The following FOXP2 variants were observed in gnomAD, a reference collection of about 807,000 sequenced individuals.
The protein encoded by FOXP2 is forkhead box protein P2.
A neutral mutation model predicts 115.8 loss-of-function variants in FOXP2; 12 were observed. The observed-to-expected ratio is 0.10, with a 90% CI of 0.07 to 0.17. The LOEUF (loss-of-function observed/expected upper bound fraction) is 0.17. Among genes scored for constraint, FOXP2 ranks in the 10% least tolerant of loss-of-function variants. FOXP2 has a pLI of 1.00. For synonymous variants in FOXP2, 328 were observed against 297.7 expected, an observed-to-expected ratio of 1.10 and a Z score of -1.05; for missense variants, 629 against 843.5, an observed-to-expected ratio of 0.75 and a Z score of 3.15.
At chr7:114,456,927 GA>G (rs75649952) in intron 2 of FOXP2, among the ~76,000 whole-genome samples, 9,547 of 143,788 alleles carry the variant, frequency 0.066, 821 homozygotes, top group East Asian at 0.33. Context: ...GCCAAACAGA[GA>G]AAAAAAAAAT....
At chr7:114,683,428 C>T (rs1282956099) in intron 16 of FOXP2, among the ~76,000 whole-genome samples, 1 of 152,156 alleles carries the variant, frequency 6.6e-6, no homozygotes, top group Non-Finnish European at 1.5e-5. Context: ...TTTGTCTTTG[C>T]TGTGCCTGTA....
chr7:114,686,922 G>A (rs1808395618), intron 16 of FOXP2, among the ~76,000 whole-genome samples: 2 of 152,042 alleles, frequency 1.3e-5, no homozygotes, highest in South Asian at 2.1e-4. Context: ...CATTGCAGTT[G>A]AACTTTCTAG....
At chr7:114,347,734 TG>T (rs1791381570) in intron 2 of FOXP2, among the ~76,000 whole-genome samples, 1 of 152,030 alleles carries the variant, frequency 6.6e-6, no homozygotes, top group Non-Finnish European at 1.5e-5. Context: ...GGCAGAGGTA[TG>T]TGAGTAATGC....
intron 2 of FOXP2, among the ~76,000 whole-genome samples, chr7:114,373,490 CTCTT>C (rs1299451511): frequency 6.6e-6 from 1 of 152,216 alleles, no homozygotes; most frequent in Non-Finnish European, 1.5e-5. Context: ...AAAGGGAATG[CTCTT>C]TCTGTCATTG....
In FOXP2 at chr7:114,381,771, T is replaced by A. The variant is rs1193074025; in HGVS notation, c.-10-44731T>A. ...AAAATTGGAGTCTTGCAAGGGCTAT[T>A]GCATGGTTTTACTAGGCCTTGGGCT... On this transcript the variant is annotated intron_variant, in intron 2 of 17. Coordinates refer to the FOXP2 transcript ENST00000634411. Among the ~76,000 whole-genome samples, 6 of 152,266 alleles carry A rather than the reference T, an allele frequency of 3.9e-5. No individual in the cohort carries two copies. In the East Asian group the frequency reaches 9.7e-4, roughly 25 times the overall value.
Position 114,600,958 on chromosome 7 carries a change from C to CT in FOXP2, c.259-27567dup, listed in dbSNP as rs202150462. Among the ~76,000 whole-genome samples, 186 of 139,886 alleles carry CT rather than the reference C, an allele frequency of 1.3e-3. 1 individual carries two copies. The highest frequency in any genetic ancestry group is 1.7e-3 in the Admixed American group (23 of 13,886). 91.8% of individuals were successfully genotyped at this position (139,886 alleles called of 152,430 possible). On this transcript the variant is annotated intron_variant, in intron 3 of 16. Coordinates refer to ENST00000350908, the MANE Select transcript of FOXP2 (RefSeq NM_014491.4). ...CAGTCTTGGCTTGTCTTGTCAGTAT[C>CT]TTTTTTTTTTTTTTTAATTTTTTGA...
chr7:114,168,291 A>G (rs1479179295), intron 1 of FOXP2, among the ~76,000 whole-genome samples: 1 of 152,208 alleles, frequency 6.6e-6, no homozygotes, highest in Non-Finnish European at 1.5e-5. Context: ...GAAAGTTCTG[A>G]ACTTCCTAAA....
intron 1 of FOXP2, among the ~76,000 whole-genome samples, chr7:114,206,235 G>A (rs1794199762): frequency 6.6e-6 from 1 of 152,070 alleles, no homozygotes; most frequent in Non-Finnish European, 1.5e-5. Flanking sequence ...AAAACTTCCA[G>A]TGGCTTTCAA....
At chr7:114,115,903 A>C (rs955118458) in intron 1 of FOXP2, among the ~76,000 whole-genome samples, 1 of 152,202 alleles carries the variant, frequency 6.6e-6, no homozygotes, top group African/African-American at 2.4e-5. Flanking sequence ...ATGAGTGAAT[A>C]AATGAATGAA....
chr7:114,488,154 G>T (rs543613330), intron 2 of FOXP2, among the ~76,000 whole-genome samples: 1 of 152,262 alleles, frequency 6.6e-6, no homozygotes, highest in East Asian at 1.9e-4. Context: ...TGATACAGTG[G>T]CAGGCAAGAG....
In FOXP2 at chr7:114,503,636, A is replaced by G. The variant is rs1254692589; in HGVS notation, c.169-30981A>G. On this transcript the variant is annotated intron_variant, in intron 2 of 16. Coordinates refer to ENST00000350908, the MANE Select transcript of FOXP2 (RefSeq NM_014491.4). ...TTAATATAATTATTTAATATAATTT[A>G]CTTTGTTGGAATTTTGTCTTTTAAG... Among the ~76,000 whole-genome samples the G allele has an allele frequency of 4.6e-5, 7 of 151,058 alleles. No individual in the cohort carries two copies. The East Asian group carries it at 1.4e-3, about 29-fold the overall frequency.
At chr7:114,277,012 C>A (rs1480913341) in intron 1 of FOXP2, among the ~76,000 whole-genome samples, 2 of 152,034 alleles carry the variant, frequency 1.3e-5, no homozygotes, top group East Asian at 3.9e-4. Context: ...GTATATACAG[C>A]ATTAAGATTG....
intron 1 of FOXP2, among the ~76,000 whole-genome samples, chr7:114,283,068 A>G (rs1468788779): frequency 1.3e-5 from 2 of 152,150 alleles, no homozygotes; most frequent in African/African-American, 2.4e-5. Flanking sequence ...TAATTTGTGA[A>G]TTAAACTTGT....
At chr7:114,249,682 C>T (rs1432990555) in intron 1 of FOXP2, among the ~76,000 whole-genome samples, 1 of 151,934 alleles carries the variant, frequency 6.6e-6, no homozygotes, top group Non-Finnish European at 1.5e-5. Context: ...CATATGTGTG[C>T]ATGTATCTTT....
intron 2 of FOXP2, among the ~76,000 whole-genome samples, chr7:114,530,894 C>T (rs1405431042): frequency 6.6e-6 from 1 of 151,684 alleles, no homozygotes; most frequent in Non-Finnish European, 1.5e-5. Flanking sequence ...TGTGCATTCC[C>T]ACATCTCTGC....
At chr7:114,281,730 A>G (rs1243906300) in intron 1 of FOXP2, among the ~76,000 whole-genome samples, 1 of 152,206 alleles carries the variant, frequency 6.6e-6, no homozygotes, top group African/African-American at 2.4e-5. Context: ...TGAAAACACA[A>G]TTGTCCTATT....
chr7:114,421,919 A>T (rs550091639), intron 1 of FOXP2, among the ~76,000 whole-genome samples: 158 of 151,734 alleles, frequency 1.0e-3, no homozygotes, highest in Non-Finnish European at 1.6e-3. Context: ...TTTCTTTCAG[A>T]AGTTTTAAAT....
At chr7:114,600,492 T>C (rs1225272162) in intron 3 of FOXP2, among the ~76,000 whole-genome samples, 1 of 152,208 alleles carries the variant, frequency 6.6e-6, no homozygotes, top group Non-Finnish European at 1.5e-5. Flanking sequence ...GTGCAGAGTT[T>C]TGTGTAGATA....
In FOXP2 at chr7:114,190,127, T is replaced by C. The variant is rs557070366; in HGVS notation, c.-102+27039T>C. Among the ~76,000 whole-genome samples the C allele has an allele frequency of 9.2e-5, 14 of 152,346 alleles. No individual in the cohort carries two copies. In the South Asian group the frequency reaches 2.7e-3, roughly 29 times the overall value. On this transcript the variant is annotated intron_variant, in intron 1 of 17. Coordinates refer to the FOXP2 transcript ENST00000634411. ...ATGCTACTCTTTCTATCTTTCTCAC[T>C]GAATGAAACTAAGTTATACCTTGTA... is the stretch of plus-strand genomic sequence containing the variant.
Sources: gnomAD v4.1 joint callset for allele counts (sites outside exome capture counted in the v4.1 genomes callset) on GRCh38, gnomAD v4.1.1 for gene constraint, MANE v1.5 for transcripts, NCBI Gene and HGNC (gene_info 2026-07-23, HGNC 2026-07-21) for gene names.